ZMYM4: variants seen among roughly 807,000 people sequenced by gnomAD.
The protein encoded by ZMYM4 is zinc finger MYM-type protein 4.
Under a neutral mutation model 183.2 loss-of-function variants are expected in ZMYM4, and 31 were observed. That is an observed-to-expected ratio of 0.17 (90% CI 0.13 to 0.23). ZMYM4 has a LOEUF of 0.23. ZMYM4 is among the 10% of genes least tolerant of loss of function. The pLI, the probability that ZMYM4 is intolerant of heterozygous loss-of-function variation, is 1.00. For synonymous variants in ZMYM4, 592 were observed against 631.2 expected, an observed-to-expected ratio of 0.94 and a Z score of 0.93; for missense variants, 1,273 against 1,840.3, an observed-to-expected ratio of 0.69 and a Z score of 5.64.
At chr1:35,361,317 G>T in intron 4 of ZMYM4, 62 bp downstream of exon 4, 1 of 1,469,670 alleles carries the variant, frequency 6.8e-7, no homozygotes, top group Non-Finnish European at 9.2e-7. Context: ...TTTTCTTTAT[G>T]TCAGTTTCTA....
chr1:35,387,353 T>C, intron 12 of ZMYM4, 75 bp downstream of exon 12: 1 of 1,573,764 alleles, frequency 6.4e-7, no homozygotes, highest in Non-Finnish European at 8.6e-7. Context: ...TAACTTTGCA[T>C]CTCTCAAAAT....
Position 35,408,177 on chromosome 1 carries a change from T to G in ZMYM4, c.3948+18T>G. On this transcript the variant is annotated intron_variant, in intron 26 of 29. Coordinates refer to ENST00000314607, the MANE Select transcript of ZMYM4 (RefSeq NM_005095.3). ...TTCAACAGGTATCAAGTTAAACATA[T>G]GGATTCTTCAACCTAGCAAATCCAT... 3.1e-6 allele frequency: 5 copies of G among 1,613,676 alleles called. No individual in the cohort carries two copies. Among genetic ancestry groups the G allele is most frequent in the Non-Finnish European group, 4.2e-6 (5 of 1,179,696 alleles).
At chr1:35,400,619 C>T (rs1448312722) in intron 23 of ZMYM4, among the ~76,000 whole-genome samples, 1 of 152,128 alleles carries the variant, frequency 6.6e-6, no homozygotes, top group African/African-American at 2.4e-5. Context: ...TTAAAATTAG[C>T]CCTATTGTAT....
At position 35,392,692 on chromosome 1, in the gene ZMYM4, T is replaced by C. The variant is rs1437149875; in HGVS notation, c.2766+8T>C. ...GCGAAAATCATCGGTGATGTAAGTT[T>C]TATTACTTTTATTGGTATTGTCACT... On this transcript the variant is annotated splice_region_variant and intron_variant, in intron 17 of 29. Transcript: ENST00000314607. 6.3e-7 allele frequency: 1 copy of C among 1,590,582 alleles called. No individual in the cohort carries two copies.
Position 35,269,101 on chromosome 1 carries a change from C to CTG in ZMYM4, c.39+16_39+17insTG. ...CCGAAAGAGGGTAGGTGAGGTGAGGCAGAACTCGGGCGGCGGGGGGCGGGG... is the reference window on the plus strand; with the variant it reads ...CCGAAAGAGGGTAGGTGAGGTGAGGCTGAGAACTCGGGCGGCGGGGGGCGGGG... On this transcript the variant is annotated intron_variant, in intron 1 of 29. Transcript: ENST00000314607. 3.4e-5 allele frequency: 53 copies of CTG among 1,547,250 alleles called. No individual in the cohort carries two copies. Among genetic ancestry groups the CTG allele is most frequent in the Non-Finnish European group, 4.5e-5 (52 of 1,145,730 alleles).
chr1:35,290,316 A>G (rs764860180), intron 1 of ZMYM4, among the ~76,000 whole-genome samples: 8 of 152,356 alleles, frequency 5.3e-5, no homozygotes, highest in East Asian at 3.8e-4. Context: ...TTATTCAGCC[A>G]TAACTACTAA....
At chr1:35,366,913 A>G (rs1168567066) in intron 5 of ZMYM4, among the ~76,000 whole-genome samples, 1 of 151,566 alleles carries the variant, frequency 6.6e-6, no homozygotes, top group Non-Finnish European at 1.5e-5. Flanking sequence ...AATCACAGCT[A>G]CTCGGGAGAC....
rs571267325 is a variant in ZMYM4 at position 35,312,515 on chromosome 1, C to A, written c.40-12845C>A. Among the ~76,000 whole-genome samples, 18 of 152,268 alleles carry A rather than the reference C, an allele frequency of 1.2e-4. No individual in the cohort carries two copies. In the South Asian group the frequency reaches 1.5e-3, roughly 12 times the overall value. ...CATATCCAGAACCCTCTACCATATT[C>A]TTTTTAAAGTCTGCGTAGAATTTCG... On this transcript the variant is annotated intron_variant, in intron 1 of 29. Transcript: ENST00000314607.
chr1:35,371,289 C>G (rs1265718174), intron 7 of ZMYM4, among the ~76,000 whole-genome samples: 2 of 151,844 alleles, frequency 1.3e-5, no homozygotes, highest in Non-Finnish European at 2.9e-5. Flanking sequence ...CTAATTTTTT[C>G]TATGTTTTAG....
At chr1:35,297,304 A>G (rs1054926118) in intron 1 of ZMYM4, among the ~76,000 whole-genome samples, 2 of 151,868 alleles carry the variant, frequency 1.3e-5, no homozygotes, top group Non-Finnish European at 2.9e-5. Context: ...AGCAATATCA[A>G]CCTGTGGTTA....
At chr1:35,386,505 A>G (rs1437440855) in intron 11 of ZMYM4, among the ~76,000 whole-genome samples, 2 of 152,142 alleles carry the variant, frequency 1.3e-5, no homozygotes, top group African/African-American at 4.8e-5. Context: ...AGCAGGGGAG[A>G]AATCCACCCC....
intron 28 of ZMYM4, 92 bp downstream of exon 28, chr1:35,415,806 G>C: frequency 6.8e-7 from 1 of 1,469,186 alleles, no homozygotes; most frequent in South Asian, 1.3e-5. Context: ...ATAAATGCTA[G>C]ACGTGAAAGA....
At chr1:35,370,219 G>C in intron 6 of ZMYM4, 106 bp downstream of exon 6, 1 of 1,504,586 alleles carries the variant, frequency 6.6e-7, no homozygotes, top group South Asian at 1.3e-5. Context: ...TACCCACTTA[G>C]GATGCCTTTA....
intron 1 of ZMYM4, among the ~76,000 whole-genome samples, chr1:35,304,910 A>G (rs1178510693): frequency 1.3e-5 from 2 of 152,026 alleles, no homozygotes; most frequent in Non-Finnish European, 2.9e-5. Flanking sequence ...CTGTGGCGCA[A>G]TCTCAGCTCA....
chr1:35,326,174 T>C (rs1048963796), intron 2 of ZMYM4, among the ~76,000 whole-genome samples: 1 of 152,192 alleles, frequency 6.6e-6, no homozygotes, highest in Admixed American at 6.5e-5. Flanking sequence ...TAAGTTTAAA[T>C]TGATAGAAGT....
At chr1:35,297,166 T>C (rs900100117) in intron 1 of ZMYM4, among the ~76,000 whole-genome samples, 2 of 152,134 alleles carry the variant, frequency 1.3e-5, no homozygotes, top group African/African-American at 4.8e-5. Context: ...TACTTTTTCT[T>C]TCTTTCTTTT....
At chr1:35,365,103 C>T (rs749623773) in intron 5 of ZMYM4, among the ~76,000 whole-genome samples, 3 of 151,994 alleles carry the variant, frequency 2.0e-5, no homozygotes, top group Admixed American at 6.6e-5. Context: ...TTGCTTAATT[C>T]GCCTAACAAC....
intron 15 of ZMYM4, among the ~76,000 whole-genome samples, chr1:35,391,609 A>C (rs564028340): frequency 1.8e-4 from 27 of 152,346 alleles, no homozygotes; most frequent in African/African-American, 6.5e-4. Flanking sequence ...TGTCCATTAA[A>C]TCTAACCTGT....
chr1:35,374,302 G>A (rs936814308), intron 7 of ZMYM4, among the ~76,000 whole-genome samples: 6 of 151,736 alleles, frequency 4.0e-5, no homozygotes, highest in African/African-American at 9.7e-5. Flanking sequence ...CCAAAGTGCT[G>A]GGATTACAGG....
Sources: gnomAD v4.1 joint callset for allele counts (sites outside exome capture counted in the v4.1 genomes callset) on GRCh38, gnomAD v4.1.1 for gene constraint, MANE v1.5 for transcripts, NCBI Gene and HGNC (gene_info 2026-07-23, HGNC 2026-07-21) for gene names.